Variants in CMC1 observed in about 807,000 individuals in gnomAD.
CMC1 encodes COX assembly mitochondrial protein homolog.
In CMC1, 14 loss-of-function variants were observed where a neutral mutation model predicts 14.1. The ratio of observed to expected loss-of-function variants is 0.99; its 90% confidence interval spans 0.66 to 1.55. The LOEUF (loss-of-function observed/expected upper bound fraction) is 1.55, where lower values mean the gene tolerates loss of function less well. Ranked by LOEUF, CMC1 falls within the 40% of genes most tolerant of loss-of-function variation. CMC1 has a pLI of 0.00. For synonymous variants in CMC1, 50 were observed against 38.4 expected (o/e 1.30, Z -1.12); for missense variants, 127 against 123.8 (o/e 1.03, Z -0.12).
chr3:28,283,102 A>G (rs1700981028), intron 2 of CMC1, among the ~76,000 whole-genome samples: 2 of 152,296 alleles, frequency 1.3e-5, no homozygotes, highest in African/African-American at 2.4e-5. Flanking sequence ...CAAGTCTTGC[A>G]TAGAATTAAA....
intron 2 of CMC1, among the ~76,000 whole-genome samples, chr3:28,290,081 G>C (rs1408684803): frequency 6.6e-6 from 1 of 152,042 alleles, no homozygotes; most frequent in Non-Finnish European, 1.5e-5. Flanking sequence ...GAACAGTATT[G>C]AGTGATTCCC....
At chr3:28,255,840 A>C (rs897015540) in intron 1 of CMC1, among the ~76,000 whole-genome samples, 1 of 152,058 alleles carries the variant, frequency 6.6e-6, no homozygotes, top group Non-Finnish European at 1.5e-5. Flanking sequence ...TAGGCAATGA[A>C]AATTAGAATA....
intron 1 of CMC1, among the ~76,000 whole-genome samples, chr3:28,251,569 T>C (rs1306367535): frequency 6.6e-6 from 1 of 152,210 alleles, no homozygotes; most frequent in East Asian, 1.9e-4. Flanking sequence ...GGTTTTCATG[T>C]TTACTTCAGA....
intron 2 of CMC1, among the ~76,000 whole-genome samples, chr3:28,309,682 A>C (rs1702519271): frequency 6.6e-6 from 1 of 152,106 alleles, no homozygotes; most frequent in South Asian, 2.1e-4. Context: ...GGTTCTGTGC[A>C]GAAGAAAACA....
At chr3:28,249,075 C>G (rs914714814) in intron 1 of CMC1, among the ~76,000 whole-genome samples, 2 of 152,216 alleles carry the variant, frequency 1.3e-5, no homozygotes, top group Non-Finnish European at 2.9e-5. Context: ...CAGGCGTGAG[C>G]CACTGCGCCC....
chr3:28,244,949 C>T (rs1698737571), intron 1 of CMC1, among the ~76,000 whole-genome samples: 1 of 141,926 alleles, frequency 7.0e-6, no homozygotes, highest in African/African-American at 2.6e-5. Flanking sequence ...TGTATGGAAG[C>T]CAGTTTTTTT....
intron 2 of CMC1, among the ~76,000 whole-genome samples, chr3:28,302,765 T>C (rs528353528): frequency 6.6e-6 from 1 of 152,306 alleles, no homozygotes; most frequent in East Asian, 1.9e-4. Flanking sequence ...AGCAACAGTG[T>C]CTACCTTATT....
intron 2 of CMC1, among the ~76,000 whole-genome samples, chr3:28,270,825 C>T (rs1033530619): frequency 9.9e-5 from 15 of 151,916 alleles, no homozygotes; most frequent in African/African-American, 3.6e-4. Flanking sequence ...AAATTCTTGC[C>T]CGTGCCTATG....
At chr3:28,242,352 A>G (rs1219625121) in intron 1 of CMC1, among the ~76,000 whole-genome samples, 1 of 152,244 alleles carries the variant, frequency 6.6e-6, no homozygotes, top group Non-Finnish European at 1.5e-5. Context: ...TTGCAGCAAT[A>G]GTTAACTTAC....
At chr3:28,307,477 A>G (rs906833208) in intron 2 of CMC1, among the ~76,000 whole-genome samples, 2 of 152,182 alleles carry the variant, frequency 1.3e-5, no homozygotes, top group African/African-American at 4.8e-5. Context: ...ACAGAGAGCT[A>G]TGATCTAACC....
At chr3:28,300,587 CTA>C (rs1701974087) in intron 2 of CMC1, among the ~76,000 whole-genome samples, 1 of 150,132 alleles carries the variant, frequency 6.7e-6, no homozygotes, top group Admixed American at 6.7e-5. Context: ...AAAATGATTT[CTA>C]TCTCTCTTCC....
intron 2 of CMC1, among the ~76,000 whole-genome samples, chr3:28,297,501 T>C (rs1701794184): frequency 6.6e-6 from 1 of 152,060 alleles, no homozygotes; most frequent in South Asian, 2.1e-4. Context: ...ACCTCTGCTT[T>C]AATAGTTGTT....
chr3:28,286,623 T>G (rs1463052229), intron 2 of CMC1, among the ~76,000 whole-genome samples: 1 of 152,256 alleles, frequency 6.6e-6, no homozygotes, highest in Non-Finnish European at 1.5e-5. Context: ...TATTACATAA[T>G]GATATTTTGC....
intron 1 of CMC1, among the ~76,000 whole-genome samples, chr3:28,249,517 C>T (rs918217120): frequency 2.6e-5 from 4 of 152,214 alleles, no homozygotes; most frequent in Admixed American, 2.0e-4. Context: ...TTAAAGTTAA[C>T]TTTTACTTGC....
At position 28,241,738 on chromosome 3, in the gene CMC1, C is replaced by G. The variant is rs967490071; in HGVS notation, c.-56C>G. 2.4e-6 allele frequency: 3 copies of G among 1,241,780 alleles called. No homozygotes were observed. The highest frequency in any genetic ancestry group is 6.3e-5 in the East Asian group (2 of 31,672). The allele number at this position is 1,241,780 out of a possible 1,614,324, so 76.9% of individuals were successfully genotyped here. On this transcript the variant is annotated 5_prime_UTR_variant, in exon 1 of 4. Coordinates refer to ENST00000466830, the MANE Select transcript of CMC1 (RefSeq NM_182523.2). ...GAGCCCAAGCCCCTCCCCTCCACTC[C>G]CCTTCCTGCGTGCCCCGGAGCCGCC... is the stretch of plus-strand genomic sequence containing the variant.
chr3:28,323,940 A>G lies in CMC1; in HGVS notation c.*4311A>G. The G allele has an allele frequency of 2.9e-6, 4 of 1,389,156 alleles. No individual in the cohort carries two copies. Among genetic ancestry groups the G allele is most frequent in the Non-Finnish European group, 2.9e-6 (3 of 1,021,656 alleles). 86.1% of individuals were successfully genotyped at this position (1,389,156 alleles called of 1,614,324 possible). ...AATATAGATACTGAAGACCTCTGCA[A>G]AATTTTAATCAAAATCTCCTTTCAG... On this transcript the variant is annotated 3_prime_UTR_variant, in exon 4 of 4. Coordinates refer to ENST00000466830, the MANE Select transcript of CMC1 (RefSeq NM_182523.2).
intron 1 of CMC1, among the ~76,000 whole-genome samples, chr3:28,257,175 A>G (rs988533563): frequency 6.6e-5 from 10 of 152,216 alleles, no homozygotes; most frequent in Non-Finnish European, 1.0e-4. Flanking sequence ...TTGAGGTAAA[A>G]TATACAGTGA....
intron 2 of CMC1, among the ~76,000 whole-genome samples, chr3:28,264,073 A>T (rs1241604323): frequency 6.6e-6 from 1 of 152,206 alleles, no homozygotes; most frequent in African/African-American, 2.4e-5. Context: ...TTATTAGAAA[A>T]GCACATGGCA....
chr3:28,279,947 A>G (rs1700790087), intron 2 of CMC1, among the ~76,000 whole-genome samples: 1 of 152,230 alleles, frequency 6.6e-6, no homozygotes, highest in African/African-American at 2.4e-5. Context: ...TAAACAAAAA[A>G]GGCCTGTATG....
Sources: allele counts gnomAD v4.1 joint callset (sites outside exome capture counted in the v4.1 genomes callset), GRCh38; gene constraint gnomAD v4.1.1; transcripts MANE v1.5; gene names NCBI Gene and HGNC (gene_info 2026-07-23, HGNC 2026-07-21).